Variants in PFKM observed in about 807,000 individuals in gnomAD.
PFKM encodes phosphofructokinase, muscle.
A neutral mutation model predicts 95.5 loss-of-function variants in PFKM; 58 were observed. That is an observed-to-expected ratio of 0.61 (90% CI 0.49 to 0.76). The LOEUF (loss-of-function observed/expected upper bound fraction) is 0.76, where lower values mean the gene tolerates loss of function less well. PFKM is among the 30% of genes least tolerant of loss of function. The pLI is 0.00. For synonymous variants in PFKM, 336 were observed against 357.2 expected (o/e 0.94, Z 0.67); for missense variants, 678 against 1,005.4 (o/e 0.67, Z 4.40).
Position 48,140,855 on chromosome 12 carries a change from G to C in PFKM, c.1325G>C (p.Gly442Ala). ...RVLVVHDGFE[G>A]LAKGQIEEAG... ...CTCGTTGTCCATGATGGTTTCGAGG[G>C]CCTGGCCAAGGGGCAGGTATGGGGA... Residue 442 changes from glycine to alanine, a missense_variant, in exon 14 of 23, where the codon GGC becomes GCC. Transcript: ENST00000359794. 1 of 1,614,220 alleles carries C rather than the reference G, an allele frequency of 6.2e-7. No individual in the cohort carries two copies. Among genetic ancestry groups the C allele is most frequent in the Non-Finnish European group, 8.5e-7 (1 of 1,180,050 alleles).
At chr12:48,105,383 G>A (rs755274392), upstream of PFKM, 1 of 519,022 alleles carries the variant, frequency 1.9e-6, no homozygotes, top group Non-Finnish European at 3.8e-6. Flanking sequence ...CCAAGAAAGA[G>A]ACGGTTCAAG....
In PFKM at chr12:48,130,427, T is replaced by C; in HGVS notation, c.150T>C (p.Phe50=). Residue 50 remains phenylalanine (F), a synonymous_variant, in exon 3 of 23, where the codon TTT becomes TTC. Coordinates refer to ENST00000359794, the MANE Select transcript of PFKM (RefSeq NM_000289.6). The part of the protein sequence containing the change: ...VGIFTGARVF[F]VHEGYQGLVD... Reference sequence around the variant, plus strand: ...TCTTCACCGGTGCCCGTGTCTTCTTTGTCCATGAGGTTGGTTCTGTACTTT... The same window carrying C: ...TCTTCACCGGTGCCCGTGTCTTCTTCGTCCATGAGGTTGGTTCTGTACTTT... The C allele has an allele frequency of 1.2e-6, 2 of 1,612,322 alleles. No homozygotes were observed. Among genetic ancestry groups the C allele is most frequent in the Non-Finnish European group, 1.7e-6 (2 of 1,178,298 alleles).
chr12:48,124,302 C>A (rs1337968034), intron 2 of PFKM, among the ~76,000 whole-genome samples: 1 of 152,174 alleles, frequency 6.6e-6, no homozygotes, highest in African/African-American at 2.4e-5. Context: ...ACAGATCTGG[C>A]TTTTATTGCA....
At chr12:48,135,443 C>A in intron 10 of PFKM, 60 bp downstream of exon 10, 2 of 1,211,812 alleles carry the variant, frequency 1.7e-6, no homozygotes, top group Non-Finnish European at 2.4e-6. Flanking sequence ...TAGTCCTGCC[C>A]CCTCAGGGCT....
chr12:48,131,159 G>A (rs1424603208), intron 3 of PFKM, among the ~76,000 whole-genome samples, 157 bp from the exon 4 acceptor site: 1 of 152,214 alleles, frequency 6.6e-6, no homozygotes, highest in Admixed American at 6.5e-5. Context: ...CTCCTTCTTT[G>A]GACTGTGTTA....
At chr12:48,107,535 T>G in intron 2 of PFKM, 1 of 907,348 alleles carries the variant, frequency 1.1e-6, no homozygotes, top group Non-Finnish European at 1.8e-6. Context: ...ATGTGAGGCT[T>G]TCTAGTGTAA....
chr12:48,145,492 C>T lies in PFKM; in HGVS notation c.2199-72C>T. On this transcript the variant is annotated intron_variant, in intron 22 of 22. Coordinates refer to ENST00000359794, the MANE Select transcript of PFKM (RefSeq NM_000289.6). This position sits in a 1 kb window ranked among gnomAD's most constrained non-coding sequence, Gnocchi z 4.3. ...TCTAACCTCTTCTGTCTAACTTCTTCCTATAAACCTTTGGTAGAAGTTGAT... is the reference window on the plus strand; with the variant it reads ...TCTAACCTCTTCTGTCTAACTTCTTTCTATAAACCTTTGGTAGAAGTTGAT... 6.3e-7 allele frequency: 1 copy of T among 1,577,802 alleles called. No individual in the cohort carries two copies.
chr12:48,136,115 C>T (rs964270376), intron 10 of PFKM, among the ~76,000 whole-genome samples: 2 of 152,128 alleles, frequency 1.3e-5, no homozygotes, highest in Non-Finnish European at 2.9e-5. Context: ...TCTTGATCTC[C>T]TGACCTTGTG....
chr12:48,129,227 T>C (rs991173240), intron 2 of PFKM, among the ~76,000 whole-genome samples: 12 of 123,962 alleles, frequency 9.7e-5, no homozygotes, highest in Non-Finnish European at 1.4e-4. Context: ...TTTTTTTTTT[T>C]TTTTTTTTTT....
At chr12:48,114,815 C>T (rs113210304), upstream of PFKM, among the ~76,000 whole-genome samples, 2,998 of 152,080 alleles carry the variant, frequency 0.02, 80 homozygotes, top group African/African-American at 0.05. Flanking sequence ...TCAAAAGTGC[C>T]GTTTTCTGGC....
intron 4 of PFKM, chr12:48,132,029 T>C (rs1297183591): frequency 2.2e-6 from 1 of 455,868 alleles, no homozygotes; most frequent in Non-Finnish European, 4.4e-6. Context: ...CTCAGTTCCC[T>C]AAAAATCCAT....
chr12:48,123,995 C>T (rs1441275307), intron 2 of PFKM, among the ~76,000 whole-genome samples: 2 of 152,088 alleles, frequency 1.3e-5, no homozygotes, highest in East Asian at 3.8e-4. Flanking sequence ...ATACTCAATA[C>T]ATGTGATCAT....
intron 11 of PFKM, 100 bp downstream of exon 11, chr12:48,137,946 G>A (rs1437432610): frequency 7.6e-7 from 1 of 1,318,068 alleles, no homozygotes; most frequent in Non-Finnish European, 1.1e-6. Context: ...TATAGGAGCA[G>A]GTGGAAAGGC....
intron 3 of PFKM, among the ~76,000 whole-genome samples, chr12:48,113,148 G>A (rs1272342158): frequency 6.6e-6 from 1 of 152,158 alleles, no homozygotes; most frequent in African/African-American, 2.4e-5. Context: ...AAAAAGGAGT[G>A]CTTAAAAGAG....
At position 48,140,773 on chromosome 12, in the gene PFKM, A is replaced by T; in HGVS notation, c.1243A>T (p.Met415Leu). 1.2e-6 allele frequency: 2 copies of T among 1,614,196 alleles called. No individual in the cohort carries two copies. The highest frequency in any genetic ancestry group is 1.7e-6 in the Non-Finnish European group (2 of 1,180,016). The stretch of plus-strand genomic sequence containing the variant: ...GAACGTGGGGGCTCCGGCTGCAGGC[A>T]TGAATGCTGCTGTTCGCTCCACTGT... ...VMNVGAPAAG[M>L]NAAVRSTVRI... The change falls in exon 14 of 23, where the codon ATG becomes TTG. Residue 415 changes from methionine to leucine, a missense_variant. Met to Leu is a conservative substitution (Grantham distance 15, BLOSUM62 2). Coordinates refer to ENST00000359794, the MANE Select transcript of PFKM (RefSeq NM_000289.6).
At chr12:48,142,720 A>AAT in intron 17 of PFKM, 62 bp from the exon 18 acceptor site, 1 of 1,436,212 alleles carries the variant, frequency 7.0e-7, no homozygotes, top group African/African-American at 1.4e-5. Context: ...GCAAAGATTA[A>AAT]AGAGTGATAA....
rs766436844 is a variant in PFKM at position 48,142,825 on chromosome 12, G to A, written c.1697G>A (p.Arg566Gln). 2 of 1,614,100 alleles carry A rather than the reference G, an allele frequency of 1.2e-6. No individual in the cohort carries two copies. Among genetic ancestry groups the A allele is most frequent in the Non-Finnish European group, 1.7e-6 (2 of 1,180,000 alleles). ...IKQSAAGTKR[R>Q]VFIIETMGGY... ...CAGTCAGCAGCTGGCACCAAGCGTC[G>A]GGTGTTTATCATTGAGACTATGGGT... Residue 566 changes from arginine to glutamine, a missense_variant, in exon 18 of 23, where the codon CGG becomes CAG. Arg to Gln is a conservative substitution (Grantham distance 43, BLOSUM62 1). Coordinates refer to ENST00000359794, the MANE Select transcript of PFKM (RefSeq NM_000289.6).
At chr12:48,136,876 C>A (rs1039120445) in intron 10 of PFKM, among the ~76,000 whole-genome samples, 1 of 151,548 alleles carries the variant, frequency 6.6e-6, no homozygotes, top group African/African-American at 2.4e-5. Context: ...GCCTCAGCCT[C>A]CTGAGTAGCT....
upstream of PFKM, among the ~76,000 whole-genome samples, chr12:48,114,907 G>T (rs2137663509): frequency 6.6e-6 from 1 of 152,326 alleles, no homozygotes; most frequent in Non-Finnish European, 1.5e-5. Flanking sequence ...TAGGTCAGGT[G>T]AGAGTTGAAG....
Sources: gnomAD v4.1 joint callset for allele counts (sites outside exome capture counted in the v4.1 genomes callset) on GRCh38, gnomAD v4.1.1 for gene constraint, Gnocchi (gnomAD v3.1) non-coding constraint, MANE v1.5 for transcripts, NCBI Gene and HGNC (gene_info 2026-07-23, HGNC 2026-07-21) for gene names.